Variants in FGF12 observed in about 807,000 individuals in gnomAD.
FGF12 encodes the protein fibroblast growth factor 12.
A neutral mutation model predicts 23.6 loss-of-function variants in FGF12; 14 were observed. The ratio of observed to expected loss-of-function variants is 0.59; its 90% confidence interval spans 0.39 to 0.93. The LOEUF (loss-of-function observed/expected upper bound fraction) is 0.93, where lower values mean the gene tolerates loss of function less well. Among genes scored for constraint, FGF12 ranks in the 40% least tolerant of loss-of-function variants. The probability of loss-of-function intolerance (pLI) is 0.00; values close to 1 mark genes in which losing one functional copy is unlikely to be tolerated. For missense variants in FGF12, 175 were observed against 217.8 expected, an observed-to-expected ratio of 0.80 and a Z score of 1.24; for synonymous variants, 62 against 77.3, an observed-to-expected ratio of 0.80 and a Z score of 1.04.
At chr3:192,238,271 TG>T (rs1175500905) in intron 4 of FGF12, 1 of 152,532 alleles carries the variant, frequency 6.6e-6, no homozygotes, top group Non-Finnish European at 1.5e-5. Context: ...ATTGCTCCAG[TG>T]GGGCAGTGGG....
At chr3:192,188,456 T>A (rs1716609244) in intron 4 of FGF12, among the ~76,000 whole-genome samples, 1 of 152,170 alleles carries the variant, frequency 6.6e-6, no homozygotes, top group African/African-American at 2.4e-5. Flanking sequence ...GAGGCTACAG[T>A]TGGTGGGACC....
At chr3:192,278,636 A>G (rs1372503694) in intron 4 of FGF12, among the ~76,000 whole-genome samples, 1 of 152,198 alleles carries the variant, frequency 6.6e-6, no homozygotes, top group Non-Finnish European at 1.5e-5. Context: ...AGAACAGGGT[A>G]AGAGGAAACG....
intron 2 of FGF12, among the ~76,000 whole-genome samples, chr3:192,507,086 G>A (rs1724330659): frequency 1.3e-5 from 2 of 151,802 alleles, no homozygotes; most frequent in Admixed American, 6.6e-5. Flanking sequence ...TAGAGACGGG[G>A]TTTCACCGTG....
chr3:192,632,646 T>C (rs1171715934), intron 2 of FGF12, among the ~76,000 whole-genome samples: 2 of 152,232 alleles, frequency 1.3e-5, no homozygotes, highest in African/African-American at 4.8e-5. Flanking sequence ...ATGTGATAAA[T>C]GTATTCTTAA....
intron 4 of FGF12, among the ~76,000 whole-genome samples, chr3:192,217,302 TG>T (rs1718241012): frequency 6.6e-6 from 1 of 152,250 alleles, no homozygotes; most frequent in East Asian, 1.9e-4. Context: ...CTGTTGTTTT[TG>T]TTGTTGTTAC....
chr3:192,229,027 G>A (rs539706479), intron 4 of FGF12, among the ~76,000 whole-genome samples: 4 of 151,986 alleles, frequency 2.6e-5, no homozygotes, highest in African/African-American at 7.2e-5. Flanking sequence ...CTATGGTAGA[G>A]CTTATTATAT....
chr3:192,177,783 T>C (rs1268275859), intron 4 of FGF12, among the ~76,000 whole-genome samples: 8 of 152,226 alleles, frequency 5.3e-5, no homozygotes, highest in African/African-American at 1.4e-4. Context: ...CATGGTTTGA[T>C]CTCTTATTTC....
At chr3:192,541,792 A>T (rs1471386508) in intron 2 of FGF12, among the ~76,000 whole-genome samples, 1 of 151,870 alleles carries the variant, frequency 6.6e-6, no homozygotes, top group Non-Finnish European at 1.5e-5. Flanking sequence ...ATTTCACTGG[A>T]TCTACTATTT....
chr3:192,727,033 T>C lies in FGF12; in HGVS notation c.13+148A>G, dbSNP rs996801349. 3.1e-6 allele frequency: 3 copies of C among 983,224 alleles called. No individual in the cohort carries two copies. The Admixed American group carries it at 6.4e-5, about 21-fold the overall frequency. The allele number at this position is 983,224 out of a possible 1,614,324, so 60.9% of individuals were successfully genotyped here. On this transcript the variant is annotated intron_variant, in intron 2 of 5. Transcript: ENST00000445105. ...AAAAGAAGTCGCCTTCCTGCCACAC[T>C]TCCCCAGTGCTGCAATGGACATAGC...
chr3:192,481,196 CTT>C (rs1218127183), intron 2 of FGF12, among the ~76,000 whole-genome samples: 1 of 152,086 alleles, frequency 6.6e-6, no homozygotes, highest in Non-Finnish European at 1.5e-5. Context: ...TGAGGAATGA[CTT>C]TTATCAGCAT....
Position 192,167,772 on chromosome 3 carries a change from A to ATATATATTT in FGF12, c.427+2685_427+2686insAAATATATA, listed in dbSNP as rs1715302128. ...ATATATATATATATATATATATAAA[A>ATATATATTT]TTTTTTTTTTTTTTTTTTTTTGAGA... On this transcript the variant is annotated intron_variant, in intron 5 of 5. Coordinates refer to ENST00000445105, the MANE Select transcript of FGF12 (RefSeq NM_004113.6). 8.4e-4 allele frequency among the ~76,000 whole-genome samples: 13 copies of ATATATATTT among 15,396 alleles called. 1 individual carries two copies. Among genetic ancestry groups the ATATATATTT allele is most frequent in the African/African-American group, 1.1e-3 (5 of 4,468 alleles). 10.1% of individuals were successfully genotyped at this position (15,396 alleles called of 152,430 possible). A position where few individuals can be genotyped will look rare whatever the true frequency, so the allele number is the denominator to read the frequency against.
chr3:192,633,288 C>T (rs1272813110), intron 2 of FGF12, among the ~76,000 whole-genome samples: 4 of 152,024 alleles, frequency 2.6e-5, no homozygotes, highest in South Asian at 2.1e-4. Flanking sequence ...TCAAGTGATC[C>T]GCCTGCCTCT....
chr3:192,321,792 A>G (rs1348852896), intron 4 of FGF12, among the ~76,000 whole-genome samples: 1 of 152,126 alleles, frequency 6.6e-6, no homozygotes, highest in Non-Finnish European at 1.5e-5. Flanking sequence ...AACCCTAAAA[A>G]TGATGGGTAT....
chr3:192,290,025 C>G (rs950712468), intron 4 of FGF12, among the ~76,000 whole-genome samples: 1 of 152,074 alleles, frequency 6.6e-6, no homozygotes, highest in African/African-American at 2.4e-5. Flanking sequence ...TGGAGTTAGA[C>G]CCAACTAATA....
At chr3:192,210,204 G>T (rs1717858649) in intron 4 of FGF12, among the ~76,000 whole-genome samples, 1 of 152,210 alleles carries the variant, frequency 6.6e-6, no homozygotes, top group South Asian at 2.1e-4. Context: ...AACACAAACA[G>T]CCAAGGAGAT....
chr3:192,449,488 G>A (rs1722459360), intron 2 of FGF12, among the ~76,000 whole-genome samples: 1 of 152,146 alleles, frequency 6.6e-6, no homozygotes. Flanking sequence ...TGTCGGGTAA[G>A]CTCCTGTGCA....
At chr3:192,595,588 G>C (rs1183516753) in intron 2 of FGF12, among the ~76,000 whole-genome samples, 2 of 152,216 alleles carry the variant, frequency 1.3e-5, no homozygotes, top group Non-Finnish European at 2.9e-5. Context: ...CAGAGTATCT[G>C]ACTCAGTAGG....
chr3:192,607,846 TAAAAAAAAAA>T (rs36061162), intron 2 of FGF12, among the ~76,000 whole-genome samples: 2 of 122,080 alleles, frequency 1.6e-5, no homozygotes, highest in Non-Finnish European at 3.4e-5. Flanking sequence ...CACTGAAAAT[TAAAAAAAAAA>T]AAAAAAAAAA....
chr3:192,671,609 C>T (rs761662331), intron 2 of FGF12, among the ~76,000 whole-genome samples: 13 of 152,046 alleles, frequency 8.6e-5, no homozygotes, highest in Non-Finnish European at 1.5e-4. Context: ...CACTGTAAGA[C>T]GGACATGAAA....
Sources: allele counts gnomAD v4.1 joint callset (sites outside exome capture counted in the v4.1 genomes callset), GRCh38; gene constraint gnomAD v4.1.1; transcripts MANE v1.5; gene names NCBI Gene and HGNC (gene_info 2026-07-23, HGNC 2026-07-21).